The following ROBO2 variants were observed in gnomAD, a reference collection of about 807,000 sequenced individuals.
ROBO2 encodes the protein roundabout homolog 2.
Under a neutral mutation model 160.8 loss-of-function variants are expected in ROBO2, and 53 were observed. That is an observed-to-expected ratio of 0.33 (90% CI 0.26 to 0.41). The LOEUF (loss-of-function observed/expected upper bound fraction) is 0.41. Among genes scored for constraint, ROBO2 ranks in the 10% least tolerant of loss-of-function variants. The probability of loss-of-function intolerance (pLI) is 1.00; values close to 1 mark genes in which losing one functional copy is unlikely to be tolerated. For missense variants in ROBO2, 1,577 were observed against 1,722.4 expected (o/e 0.92, Z 1.49); for synonymous variants, 664 against 611.7 (o/e 1.09, Z -1.26).
chr3:76,442,392 T>C (rs1031289906), intron 2 of ROBO2, among the ~76,000 whole-genome samples: 27 of 152,286 alleles, frequency 1.8e-4, no homozygotes, highest in African/African-American at 6.3e-4. Context: ...AGTTTTTTTG[T>C]TTCTCAAGTG....
intron 2 of ROBO2, among the ~76,000 whole-genome samples, chr3:76,951,123 T>C (rs945366289): frequency 5.3e-5 from 8 of 152,216 alleles, no homozygotes; most frequent in African/African-American, 1.9e-4. Flanking sequence ...GTGATGAAGG[T>C]CTAGAGAATT....
intron 2 of ROBO2, among the ~76,000 whole-genome samples, chr3:76,988,393 A>C (rs961599307): frequency 6.6e-6 from 1 of 152,178 alleles, no homozygotes; most frequent in East Asian, 1.9e-4. Flanking sequence ...GTCAGGCTAA[A>C]AAGCACTTTC....
intron 20 of ROBO2, among the ~76,000 whole-genome samples, chr3:77,602,712 T>A (rs1353894911): frequency 1.6e-5 from 1 of 63,018 alleles, no homozygotes; most frequent in Non-Finnish European, 3.1e-5. Context: ...CACCACCTCC[T>A]CCACCACCAC....
intron 2 of ROBO2, among the ~76,000 whole-genome samples, chr3:77,008,122 T>C (rs1196156644): frequency 1.3e-5 from 2 of 152,058 alleles, no homozygotes; most frequent in African/African-American, 2.4e-5. Context: ...ATATTAAAAT[T>C]ATAAAATCAT....
intron 8 of ROBO2, among the ~76,000 whole-genome samples, chr3:77,554,732 G>GA (rs2093048776): frequency 6.6e-6 from 1 of 151,914 alleles, no homozygotes; most frequent in Non-Finnish European, 1.5e-5. Flanking sequence ...GATACAAATT[G>GA]AACAAATGAA....
intron 2 of ROBO2, among the ~76,000 whole-genome samples, chr3:75,991,022 C>T (rs932407204): frequency 9.2e-5 from 14 of 152,182 alleles, no homozygotes; most frequent in Admixed American, 3.3e-4. Context: ...AACATTGTCA[C>T]TCCTGGTTCT....
rs1246171160 is a variant in ROBO2, at chr3:76,014,351, G to A, written c.109+76749G>A. 2.2e-3 allele frequency among the ~76,000 whole-genome samples: 271 copies of A among 122,982 alleles called. 90 individuals are homozygous for A. The highest frequency in any genetic ancestry group is 3.3e-3 in the Non-Finnish European group (167 of 50,320). The allele number at this position is 122,982 out of a possible 152,430, so 80.7% of individuals were successfully genotyped here. A position where few individuals can be genotyped will look rare whatever the true frequency, so the allele number is the denominator to read the frequency against. On this transcript the variant is annotated intron_variant, in intron 2 of 26. Transcript: ENST00000487694. ...GTAATATGTATAAAGGCAATTGGCGGCTGGCACGGTGGTTTATGCGTGTAA... is the reference window on the plus strand; with the variant it reads ...GTAATATGTATAAAGGCAATTGGCGACTGGCACGGTGGTTTATGCGTGTAA...
rs1051077298 is a variant in ROBO2 at position 76,819,870 on chromosome 3, C to T, written c.110-278144C>T. ...CTGCAGTTTCAATTGGGACCTGTGT[C>T]GTGTGAGTCTATGTTGGGAGAATGA... On this transcript the variant is annotated intron_variant, in intron 2 of 26. Transcript: ENST00000487694. Among the ~76,000 whole-genome samples, 78 of 151,992 alleles carry T rather than the reference C, an allele frequency of 5.1e-4. 1 individual carries two copies. The highest frequency in any genetic ancestry group is 4.6e-4 in the Admixed American group (7 of 15,236).
chr3:76,191,736 AAAG>A (rs1702015000), intron 2 of ROBO2, among the ~76,000 whole-genome samples: 1 of 152,086 alleles, frequency 6.6e-6, no homozygotes, highest in African/African-American at 2.4e-5. Flanking sequence ...TTTTTTTAAA[AAAG>A]AAGGCATACA....
At chr3:76,466,896 C>T (rs2078392718) in intron 2 of ROBO2, among the ~76,000 whole-genome samples, 1 of 151,936 alleles carries the variant, frequency 6.6e-6, no homozygotes, top group Admixed American at 6.6e-5. Flanking sequence ...TAACACTAAG[C>T]TTTATGTATG....
At chr3:76,834,008 T>TCTCTC (rs2067319579) in intron 2 of ROBO2, among the ~76,000 whole-genome samples, 1 of 126,340 alleles carries the variant, frequency 7.9e-6, no homozygotes, top group Non-Finnish European at 1.7e-5. Flanking sequence ...CTTCTTTCTT[T>TCTCTC]CTTTCCTTTC....
At chr3:76,801,927 A>G (rs958122803) in intron 2 of ROBO2, among the ~76,000 whole-genome samples, 17 of 152,246 alleles carry the variant, frequency 1.1e-4, no homozygotes, top group African/African-American at 3.1e-4. Flanking sequence ...TGTCTCAGGA[A>G]ATAGGGAGGT....
intron 2 of ROBO2, among the ~76,000 whole-genome samples, chr3:76,061,254 C>A (rs1417929602): frequency 6.6e-6 from 1 of 152,172 alleles, no homozygotes; most frequent in Non-Finnish European, 1.5e-5. Flanking sequence ...GGGTAAAGTG[C>A]ATGCTTCCTT....
At chr3:76,104,622 G>A (rs1314883899) in intron 2 of ROBO2, among the ~76,000 whole-genome samples, 1 of 151,090 alleles carries the variant, frequency 6.6e-6, no homozygotes, top group Admixed American at 6.6e-5. Context: ...ATCTTAGCAA[G>A]TAGGCTACTA....
chr3:77,335,678 A>G (rs2066424185), intron 2 of ROBO2, among the ~76,000 whole-genome samples: 1 of 152,228 alleles, frequency 6.6e-6, no homozygotes, highest in African/African-American at 2.4e-5. Context: ...TTAAACAGGA[A>G]GCATTCCAAG....
intron 2 of ROBO2, among the ~76,000 whole-genome samples, chr3:76,474,572 C>G (rs1278856277): frequency 6.6e-6 from 1 of 152,070 alleles, no homozygotes; most frequent in Non-Finnish European, 1.5e-5. Flanking sequence ...AAGAGGAACA[C>G]GACAATAAGT....
intron 2 of ROBO2, among the ~76,000 whole-genome samples, chr3:77,255,859 G>T (rs963885104): frequency 6.6e-6 from 1 of 152,182 alleles, no homozygotes; most frequent in Non-Finnish European, 1.5e-5. Flanking sequence ...AATCCTATGG[G>T]TATGTGAGAA....
intron 2 of ROBO2, among the ~76,000 whole-genome samples, chr3:77,355,233 C>A (rs1360840264): frequency 2.0e-5 from 3 of 152,222 alleles, no homozygotes; most frequent in Non-Finnish European, 4.4e-5. Flanking sequence ...TTCTTCCCAT[C>A]TGCATACCCT....
chr3:77,302,877 C>T (rs747937511), intron 2 of ROBO2, among the ~76,000 whole-genome samples: 89 of 152,276 alleles, frequency 5.8e-4, no homozygotes, highest in Non-Finnish European at 1.1e-3. Context: ...ACCAAAGTCT[C>T]AGATGCCTTT....
Sources: gnomAD v4.1 joint callset for allele counts (sites outside exome capture counted in the v4.1 genomes callset) on GRCh38, gnomAD v4.1.1 for gene constraint, MANE v1.5 for transcripts, NCBI Gene and HGNC (gene_info 2026-07-23, HGNC 2026-07-21) for gene names.